Variants in CADM2 observed in about 807,000 individuals in gnomAD.
CADM2 encodes immunoglobulin superfamily member 4D.
A neutral mutation model predicts 49.8 loss-of-function variants in CADM2; 12 were observed. That is an observed-to-expected ratio of 0.24 (90% CI 0.15 to 0.39). The LOEUF (loss-of-function observed/expected upper bound fraction) is 0.39. Ranked by LOEUF, CADM2 falls within the 10% of genes least tolerant of loss-of-function variation. The probability of loss-of-function intolerance (pLI) is 1.00; values close to 1 mark genes in which losing one functional copy is unlikely to be tolerated. For missense variants in CADM2, 378 were observed against 492.3 expected, an observed-to-expected ratio of 0.77 and a Z score of 2.20; for synonymous variants, 214 against 175.4, an observed-to-expected ratio of 1.22 and a Z score of -1.74.
chr3:85,186,159 A>G (rs1264644819), intron 1 of CADM2, among the ~76,000 whole-genome samples: 2 of 152,172 alleles, frequency 1.3e-5, no homozygotes, highest in Non-Finnish European at 2.9e-5. Flanking sequence ...AGTTCCTGAC[A>G]CATAGTAGAT....
In CADM2 at chr3:85,826,182, T is replaced by C. The variant is rs144022846; in HGVS notation, c.238+23986T>C. Among the ~76,000 whole-genome samples the C allele has an allele frequency of 2.3e-3, 351 of 152,158 alleles. 6 individuals are homozygous for C. Among genetic ancestry groups the C allele is most frequent in the East Asian group, 1.9e-3 (10 of 5,178 alleles). On this transcript the variant is annotated intron_variant, in intron 3 of 9. Coordinates refer to ENST00000383699, the MANE Select transcript of CADM2 (RefSeq NM_001167675.2). ...ATTCTGATATGACTCATTTATTATA[T>C]ATTTTTCAAGTACATTATCAATCAC...
At chr3:85,343,472 A>C (rs1291665089) in intron 1 of CADM2, among the ~76,000 whole-genome samples, 1 of 152,146 alleles carries the variant, frequency 6.6e-6, no homozygotes, top group Non-Finnish European at 1.5e-5. Context: ...CATACTTTAC[A>C]GCATTTTTAT....
chr3:85,583,925 A>T (rs570748519), intron 1 of CADM2, among the ~76,000 whole-genome samples: 1 of 152,036 alleles, frequency 6.6e-6, no homozygotes, highest in Non-Finnish European at 1.5e-5. Flanking sequence ...AAATTTCCCA[A>T]TATAATGACT....
At chr3:85,921,983 T>C (rs563850045) in intron 6 of CADM2, among the ~76,000 whole-genome samples, 100 of 152,270 alleles carry the variant, frequency 6.6e-4, no homozygotes, top group African/African-American at 2.4e-3. Context: ...AATCTCCTTT[T>C]TCACCAGTAC....
chr3:85,461,253 C>A (rs965438797), intron 1 of CADM2, among the ~76,000 whole-genome samples: 4 of 152,044 alleles, frequency 2.6e-5, no homozygotes, highest in African/African-American at 9.7e-5. Flanking sequence ...CATCTCAACA[C>A]CATGTAATAT....
At chr3:85,972,605 C>T (rs1044161358) in intron 8 of CADM2, among the ~76,000 whole-genome samples, 10 of 151,646 alleles carry the variant, frequency 6.6e-5, no homozygotes, top group Non-Finnish European at 1.2e-4. Flanking sequence ...AATTTTGTTT[C>T]GAAAATCCAT....
chr3:85,463,831 A>G (rs921956896), intron 1 of CADM2, among the ~76,000 whole-genome samples: 2 of 152,144 alleles, frequency 1.3e-5, no homozygotes, highest in Non-Finnish European at 2.9e-5. Context: ...CCATGTATTT[A>G]CAATTCTGAC....
rs1186959742 is a variant in CADM2 at position 85,943,512 on chromosome 3, A to G, written c.791+7655A>G. 4.6e-5 allele frequency among the ~76,000 whole-genome samples: 7 copies of G among 150,920 alleles called. 1 individual carries two copies. Among genetic ancestry groups the G allele is most frequent in the Middle Eastern group, 6.8e-3 (2 of 294 alleles). On this transcript the variant is annotated intron_variant, in intron 7 of 9. Coordinates refer to ENST00000383699, the MANE Select transcript of CADM2 (RefSeq NM_001167675.2). ...TAATCCATCTTGAATTGATTTTTGT[A>G]TAAGGTGTAAGGAAGGGATCCAGTT...
chr3:85,019,988 C>A (rs1211209081), intron 1 of CADM2, among the ~76,000 whole-genome samples: 1 of 152,078 alleles, frequency 6.6e-6, no homozygotes, highest in African/African-American at 2.4e-5. Flanking sequence ...TCCACAAATA[C>A]AAAGATATAT....
At chr3:85,632,832 A>G (rs2064353045) in intron 1 of CADM2, among the ~76,000 whole-genome samples, 1 of 152,066 alleles carries the variant, frequency 6.6e-6, no homozygotes, top group Non-Finnish European at 1.5e-5. Flanking sequence ...TGAAAATACA[A>G]TATGTTGTCT....
intron 1 of CADM2, among the ~76,000 whole-genome samples, chr3:85,146,494 C>T (rs1050892708): frequency 4.6e-5 from 7 of 151,960 alleles, no homozygotes; most frequent in African/African-American, 7.3e-5. Context: ...GATTTATTCA[C>T]GTATCATGAT....
intron 1 of CADM2, 97 bp downstream of exon 1, chr3:84,959,765 T>A (rs956566580): frequency 1.7e-6 from 2 of 1,184,012 alleles, no homozygotes; most frequent in African/African-American, 3.1e-5. Context: ...CCAGTCTCCC[T>A]GTCCCCAGCG....
chr3:85,351,651 T>C (rs62253088), intron 1 of CADM2, among the ~76,000 whole-genome samples: 90,531 of 151,964 alleles, frequency 0.6, 28,090 homozygotes, highest in East Asian at 0.81. Context: ...TGAGGGAATG[T>C]GGGAATTGCT....
intron 1 of CADM2, among the ~76,000 whole-genome samples, chr3:85,227,348 T>G (rs2042184874): frequency 6.6e-6 from 1 of 152,186 alleles, no homozygotes; most frequent in South Asian, 2.1e-4. Flanking sequence ...TTAGCTTTTC[T>G]TGTTGCTTTG....
At chr3:85,402,528 AT>A (rs2035165900) in intron 1 of CADM2, among the ~76,000 whole-genome samples, 2 of 151,286 alleles carry the variant, frequency 1.3e-5, no homozygotes, top group African/African-American at 4.9e-5. Flanking sequence ...GCAAAAGAAT[AT>A]TTTTCTCAAT....
chr3:85,405,289 G>A (rs1362286333), intron 1 of CADM2, among the ~76,000 whole-genome samples: 1 of 152,068 alleles, frequency 6.6e-6, no homozygotes, highest in African/African-American at 2.4e-5. Flanking sequence ...ATTGATAATA[G>A]TACAAATAGC....
chr3:85,734,770 A>G (rs1052359133), intron 2 of CADM2, among the ~76,000 whole-genome samples: 1 of 148,630 alleles, frequency 6.7e-6, no homozygotes, highest in African/African-American at 2.4e-5. Context: ...ATACATATAC[A>G]TAACTCACCA....
rs2065483283 is a variant in CADM2, at chr3:85,663,851, G to A, written c.62-62671G>A. Among the ~76,000 whole-genome samples, 2 of 151,936 alleles carry A rather than the reference G, an allele frequency of 1.3e-5. 1 individual carries two copies. Among genetic ancestry groups the A allele is most frequent in the African/African-American group, 4.8e-5 (2 of 41,394 alleles). On this transcript the variant is annotated intron_variant, in intron 1 of 9. Transcript: ENST00000383699. ...AGAGTGGTTTATGCTATCTGTACTT[G>A]TCTTTTATTCTTGTGCCTCCTTGCT...
At chr3:85,373,017 T>C (rs979517231) in intron 1 of CADM2, among the ~76,000 whole-genome samples, 1 of 152,056 alleles carries the variant, frequency 6.6e-6, no homozygotes, top group Non-Finnish European at 1.5e-5. Flanking sequence ...CATATCATTC[T>C]GGTCTTGGCC....
Sources: gnomAD v4.1 joint callset for allele counts (sites outside exome capture counted in the v4.1 genomes callset) on GRCh38, gnomAD v4.1.1 for gene constraint, MANE v1.5 for transcripts, NCBI Gene and HGNC (gene_info 2026-07-23, HGNC 2026-07-21) for gene names.